CCDC17: variants seen among roughly 807,000 people sequenced by gnomAD.
CCDC17 encodes coiled-coil domain-containing protein 17.
In CCDC17, 79 loss-of-function variants were observed where a neutral mutation model predicts 68.0. The ratio of observed to expected loss-of-function variants is 1.16; its 90% CI spans 0.97 to 1.40. The LOEUF (loss-of-function observed/expected upper bound fraction) is 1.40, where lower values mean the gene tolerates loss of function less well. Among genes scored for constraint, CCDC17 ranks in the 40% most tolerant of loss-of-function variants. CCDC17 has a pLI of 0.00. For synonymous variants in CCDC17, 376 were observed against 337.5 expected (o/e 1.11, Z -1.25); for missense variants, 846 against 811.5 (o/e 1.04, Z -0.52).
intron 8 of CCDC17, 48 bp from the exon 9 acceptor site, chr1:45,621,783 T>G (rs1199042047): frequency 6.2e-7 from 1 of 1,607,328 alleles, no homozygotes; most frequent in South Asian, 1.1e-5. Flanking sequence ...TAGCTGCTCA[T>G]GTTCCCCCAA....
Position 45,623,756 on chromosome 1 carries a change from T to C in CCDC17, c.154A>G (p.Thr52Ala), listed in dbSNP as rs1644366110. ...CTTACCGCGGCCCGCTGGGGTTCAG[T>C]GGCAACTGATGCCTGTGCTCCAAAT... is the stretch of plus-strand genomic sequence containing the variant. ...MTFGAQASVA[T>A]EPQRAAVVPQ... The change falls in exon 1 of 13, where the codon ACT becomes GCT. Residue 52 changes from threonine (T) to alanine (A), a missense_variant. Coordinates refer to ENST00000528266, the MANE Select transcript of CCDC17 (RefSeq NM_001114938.3). 4 of 1,551,144 alleles carry C rather than the reference T, an allele frequency of 2.6e-6. No homozygotes were observed. Among genetic ancestry groups the C allele is most frequent in the East Asian group, 2.4e-5 (1 of 40,924 alleles).
Position 45,620,326 on chromosome 1 carries a change from ATC to A in CCDC17, c.1816_1817del (p.Asp606Ter). Reference sequence around the variant, plus strand: ...AACTGTGGTGAGGGCCCAAACCCTCATCTCTATCCTTGACTCCACTGAGGGGC... The same window carrying A: ...AACTGTGGTGAGGGCCCAAACCCTCATCTATCCTTGACTCCACTGAGGGGC... ...EEPLSGVKDRDEGLGPHHSSD... is the reference protein window; with the variant it reads ...EEPLSGVKDRXEGLGPHHSSD... On this transcript the variant is annotated frameshift_variant, in exon 13 of 13. Coordinates refer to ENST00000528266, the MANE Select transcript of CCDC17 (RefSeq NM_001114938.3). LOFTEE classifies it low-confidence loss of function (END_TRUNC). 1.9e-6 allele frequency: 3 copies of A among 1,609,580 alleles called. No individual in the cohort carries two copies. The highest frequency in any genetic ancestry group is 2.5e-6 in the Non-Finnish European group (3 of 1,178,606).
chr1:45,620,973 C>CAGCGGCCACTT lies in CCDC17; in HGVS notation c.1518_1528dup (p.Trp510Ter). 1 of 1,613,834 alleles carries CAGCGGCCACTT rather than the reference C, an allele frequency of 6.2e-7. No individual in the cohort carries two copies. Among genetic ancestry groups the CAGCGGCCACTT allele is most frequent in the Non-Finnish European group, 8.5e-7 (1 of 1,179,840 alleles). ...AGGAAGGGCCCGAAGTGGGAGGCGCCAGCGGCCACTTAGCACCCGCTGATC... is the reference window on the plus strand; with the variant it reads ...AGGAAGGGCCCGAAGTGGGAGGCGCCAGCGGCCACTTAGCGGCCACTTAGCACCCGCTGATC... On this transcript the variant is annotated stop_gained and frameshift_variant, in exon 11 of 13. Transcript: ENST00000528266. LOFTEE classifies it high-confidence loss of function.
chr1:45,621,812 C>T (rs1248900532), intron 8 of CCDC17, 65 bp downstream of exon 8: 32 of 1,597,132 alleles, frequency 2.0e-5, no homozygotes, highest in Non-Finnish European at 2.4e-5. Flanking sequence ...AGCAGAGCTG[C>T]CTCCAACCTG....
In CCDC17 at chr1:45,623,874, G is replaced by C; in HGVS notation, c.36C>G (p.Pro12=). The C allele has an allele frequency of 6.5e-7, 1 of 1,542,758 alleles. No homozygotes were observed. The highest frequency in any genetic ancestry group is 8.7e-7 in the Non-Finnish European group (1 of 1,143,196). The change falls in exon 1 of 13, where the codon CCC becomes CCG. Residue 12 remains proline, a synonymous_variant. Transcript: ENST00000528266. ...DSHSGEPALL[P]CGTCDMVFRS... is the part of the protein sequence containing the mutation. ...GGAAAACCATGTCACAGGTCCCACA[G>C]GGCAGGAGCGCAGGCTCCCCAGAGT...
At position 45,621,303 on chromosome 1, in the gene CCDC17, C is replaced by T. The variant is rs1186234867; in HGVS notation, c.1366G>A (p.Ala456Thr). 2 of 1,582,456 alleles carry T rather than the reference C, an allele frequency of 1.3e-6. No homozygotes were observed. Residue 456 changes from alanine to threonine, a missense_variant, in exon 10 of 13, where the codon GCC becomes ACC. Transcript: ENST00000528266. ...GACCTGGGCACAGGCTGCCTGCTGGCAAGGATGGCACAGTTGCCCATGGGC... is the reference window on the plus strand; with the variant it reads ...GACCTGGGCACAGGCTGCCTGCTGGTAAGGATGGCACAGTTGCCCATGGGC... Reference protein sequence around the residue: ...PGPMGNCAILASRQPVPRLPP... With the variant: ...PGPMGNCAILTSRQPVPRLPP...
Position 45,623,366 on chromosome 1 carries a change from G to C in CCDC17, c.344C>G (p.Pro115Arg). The C allele has an allele frequency of 6.4e-7, 1 of 1,550,720 alleles. No individual in the cohort carries two copies. Among genetic ancestry groups the C allele is most frequent in the Non-Finnish European group, 8.7e-7 (1 of 1,147,004 alleles). The part of the protein sequence containing the change: ...ITEVPRVFAG[P>R]WTRSEARPQS... ...AGGCCGCGCCTCGGAACGTGTCCAG[G>C]GCCCCGCGAACACCCTGGGGACCTC... The change falls in exon 3 of 13, where the codon CCC (proline) becomes CGC (arginine). Residue 115 changes from proline to arginine, a missense_variant. Transcript: ENST00000528266.
rs1344751785 is a variant in CCDC17, at chr1:45,620,340, C to T, written c.1804G>A (p.Val602Ile). Residue 602 changes from valine (V) to isoleucine (I), a missense_variant, in exon 13 of 13, where the codon GTC (valine) becomes ATC (isoleucine). Coordinates refer to ENST00000528266, the MANE Select transcript of CCDC17 (RefSeq NM_001114938.3). Reference sequence around the variant, plus strand: ...CCCAAACCCTCATCTCTATCCTTGACTCCACTGAGGGGCTCTTCTGTACGA... The same window carrying T: ...CCCAAACCCTCATCTCTATCCTTGATTCCACTGAGGGGCTCTTCTGTACGA... ...PPRTEEPLSG[V>I]KDRDEGLGPH... 2 of 1,608,826 alleles carry T rather than the reference C, an allele frequency of 1.2e-6. No individual in the cohort carries two copies. The highest frequency in any genetic ancestry group is 2.7e-5 in the African/African-American group (2 of 74,664).
Position 45,620,249 on chromosome 1 carries a change from A to G in CCDC17, c.*26T>C. 2 of 1,601,572 alleles carry G rather than the reference A, an allele frequency of 1.2e-6. No individual in the cohort carries two copies. Among genetic ancestry groups the G allele is most frequent in the Non-Finnish European group, 1.7e-6 (2 of 1,175,770 alleles). On this transcript the variant is annotated 3_prime_UTR_variant, in exon 13 of 13. Coordinates refer to ENST00000528266, the MANE Select transcript of CCDC17 (RefSeq NM_001114938.3). ...AGGCCCCAGTCCTGTGCATGTTCAG[A>G]TGCTCATCTCCACATTCACTTGGGT...
At position 45,623,902 on chromosome 1, in the gene CCDC17, G is replaced by T; in HGVS notation, c.8C>A (p.Ser3Tyr). 6.6e-7 allele frequency: 1 copy of T among 1,516,540 alleles called. No individual in the cohort carries two copies. Among genetic ancestry groups the T allele is most frequent in the Non-Finnish European group, 8.8e-7 (1 of 1,132,470 alleles). 93.9% of individuals were successfully genotyped at this position (1,516,540 alleles called of 1,614,324 possible). ...CAGGAGCGCAGGCTCCCCAGAGTGG[G>T]AGTCCATGGGATGGGACCCGTTTCC... MD[S>Y]HSGEPALLPC... The change falls in exon 1 of 13, where the codon TCC becomes TAC. Residue 3 changes from serine (S) to tyrosine (Y), a missense_variant. Ser to Tyr is a moderately radical substitution (Grantham distance 144, BLOSUM62 -2). Transcript: ENST00000528266.
rs1644344984 is a variant in CCDC17 at position 45,623,342 on chromosome 1, G to A, written c.368C>T (p.Pro123Leu). The A allele has an allele frequency of 6.4e-7, 1 of 1,550,666 alleles. No homozygotes were observed. Among genetic ancestry groups the A allele is most frequent in the Non-Finnish European group, 8.7e-7 (1 of 1,146,996 alleles). ...CACCGCCTCGGACATGGGACTCTGA[G>A]GCCGCGCCTCGGAACGTGTCCAGGG... ...AGPWTRSEAR[P>L]QSPMSEAVGS... Residue 123 changes from proline to leucine, a missense_variant, in exon 3 of 13, where the codon CCT becomes CTT. Coordinates refer to ENST00000528266, the MANE Select transcript of CCDC17 (RefSeq NM_001114938.3).
In CCDC17 at chr1:45,620,298, C is replaced by A; in HGVS notation, c.1846G>T (p.Asp616Tyr). The change falls in exon 13 of 13, where the codon GAC (aspartate) becomes TAC (tyrosine). Residue 616 changes from aspartate to tyrosine, a missense_variant. Physicochemically the swap from Asp to Tyr is radical, Grantham distance 160. Coordinates refer to ENST00000528266, the MANE Select transcript of CCDC17 (RefSeq NM_001114938.3). ...DEGLGPHHSSDLPPVSF is the reference protein window; with the variant it reads ...DEGLGPHHSSYLPPVSF The stretch of plus-strand genomic sequence containing the variant: ...GTTCAGAAACTCACTGGGGGCAAGT[C>A]AGAACTGTGGTGAGGGCCCAAACCC... The A allele has an allele frequency of 6.2e-7, 1 of 1,610,426 alleles. No homozygotes were observed. The highest frequency in any genetic ancestry group is 8.5e-7 in the Non-Finnish European group (1 of 1,178,876).
At chr1:45,623,536 G>C (rs1476696344) in intron 2 of CCDC17, 21 bp downstream of exon 2, 3 of 1,548,256 alleles carry the variant, frequency 1.9e-6, no homozygotes, top group Non-Finnish European at 2.6e-6. Context: ...TTGAGCCCTG[G>C]GGGAAGGTAG....
Position 45,621,861 on chromosome 1 carries a change from C to T in CCDC17, c.1086+16G>A. 1 of 1,595,352 alleles carries T rather than the reference C, an allele frequency of 6.3e-7. No individual in the cohort carries two copies. Among genetic ancestry groups the T allele is most frequent in the South Asian group, 1.1e-5 (1 of 88,150 alleles). ...CCCCGTGTCCTCACAGCCTTTGCCCCACCCAAGAACTGAACCTCCGAGAAG... is the reference window on the plus strand; with the variant it reads ...CCCCGTGTCCTCACAGCCTTTGCCCTACCCAAGAACTGAACCTCCGAGAAG... On this transcript the variant is annotated intron_variant, in intron 8 of 12. Transcript: ENST00000528266.
At chr1:45,621,550 TCCCTAA>T (rs1338286585) in intron 9 of CCDC17, 66 bp from the exon 10 acceptor site, 1 of 1,578,572 alleles carries the variant, frequency 6.3e-7, no homozygotes, top group East Asian at 2.3e-5. Context: ...CTCAGGCAGG[TCCCTAA>T]CCCTATCTGG....
chr1:45,620,368 T>TGGG lies in CCDC17; in HGVS notation c.1773_1775dup (p.Pro593dup), dbSNP rs1644203296. 6.2e-7 allele frequency: 1 copy of TGGG among 1,605,740 alleles called. No individual in the cohort carries two copies. Among genetic ancestry groups the TGGG allele is most frequent in the Non-Finnish European group, 8.5e-7 (1 of 1,177,056 alleles). On this transcript the variant is annotated inframe_insertion, in exon 13 of 13. Coordinates refer to ENST00000528266, the MANE Select transcript of CCDC17 (RefSeq NM_001114938.3). ...CACTGAGGGGCTCTTCTGTACGAGG[T>TGGG]GGGGGATCAGCAAAGCCAACTGCGG... is the stretch of plus-strand genomic sequence containing the variant.
Position 45,622,817 on chromosome 1 carries a change from C to T in CCDC17, c.674G>A (p.Arg225Gln), listed in dbSNP as rs752721620. 4 of 1,599,428 alleles carry T rather than the reference C, an allele frequency of 2.5e-6. No individual in the cohort carries two copies. In the South Asian group the frequency reaches 3.4e-5, roughly 14 times the overall value. Residue 225 changes from arginine to glutamine, a missense_variant, in exon 5 of 13, where the codon CGG (arginine) becomes CAG (glutamine). Arg to Gln is a conservative substitution (Grantham distance 43). Transcript: ENST00000528266. ...QAEPGNPLSS[R>Q]REAELYSPVQ... Reference sequence around the variant, plus strand: ...TGGAGAATAAAGTTCTGCCTCTCGCCGGGAGCTCAGCGGGTTCCTGGGGTG... The same window carrying T: ...TGGAGAATAAAGTTCTGCCTCTCGCTGGGAGCTCAGCGGGTTCCTGGGGTG...
chr1:45,621,696 C>G lies in CCDC17; in HGVS notation c.1126G>C (p.Asp376His), dbSNP rs368751626. ...GATGTGGGCAGGAGGAAGTGTGAGTCCAGGCCCAGGTTTCTGGTCATTGTT... is the reference window on the plus strand; with the variant it reads ...GATGTGGGCAGGAGGAAGTGTGAGTGCAGGCCCAGGTTTCTGGTCATTGTT... ...PGTMTRNLGL[D>H]SHFLLPTSDM... is the part of the protein sequence containing the mutation. The change falls in exon 9 of 13, where the codon GAC becomes CAC. Residue 376 changes from aspartate to histidine, a missense_variant. Physicochemically the swap from Asp to His is moderately conservative, Grantham distance 81. Coordinates refer to ENST00000528266, the MANE Select transcript of CCDC17 (RefSeq NM_001114938.3). The G allele has an allele frequency of 2.5e-6, 4 of 1,613,852 alleles. No homozygotes were observed. Among genetic ancestry groups the G allele is most frequent in the Non-Finnish European group, 3.4e-6 (4 of 1,179,860 alleles).
rs748291421 is a variant in CCDC17 at position 45,621,916 on chromosome 1, C to T, written c.1047G>A (p.Pro349=). 6.2e-6 allele frequency: 10 copies of T among 1,608,554 alleles called. No homozygotes were observed. Among genetic ancestry groups the T allele is most frequent in the South Asian group, 5.5e-5 (5 of 90,286 alleles). ...GRRDPPLLPP[P]VAPPLPPLPG... ...GAAGTGGTGGCAGCGGTGGTGCCAC[C>T]GGTGGCGGGAGGAGTGGGGGATCTC... Residue 349 remains proline (P), a synonymous_variant, in exon 8 of 13, where the codon CCG becomes CCA. Coordinates refer to ENST00000528266, the MANE Select transcript of CCDC17 (RefSeq NM_001114938.3).
Sources: gnomAD v4.1 joint callset for allele counts on GRCh38, gnomAD v4.1.1 for gene constraint, MANE v1.5 for transcripts, NCBI Gene and HGNC (gene_info 2026-07-23, HGNC 2026-07-21) for gene names.